TBC1D4: variants seen among roughly 807,000 people sequenced by gnomAD.
TBC1D4 encodes the protein TBC1 domain family member 4, also known as TBC (Tre-2, BUB2, CDC16) domain-containing protein.
Under a neutral mutation model 142.5 loss-of-function variants are expected in TBC1D4, and 121 were observed. The ratio of observed to expected loss-of-function variants is 0.85; its 90% confidence interval spans 0.73 to 0.99. The LOEUF (loss-of-function observed/expected upper bound fraction) is 0.99. Among genes scored for constraint, TBC1D4 ranks in the 50% least tolerant of loss-of-function variants. The pLI, the probability that TBC1D4 is intolerant of heterozygous loss-of-function variation, is 0.00. For synonymous variants in TBC1D4, 630 were observed against 628.2 expected (o/e 1.00, Z -0.04); for missense variants, 1,475 against 1,606.6 (o/e 0.92, Z 1.40).
chr13:75,352,000 C>T (rs968681226), intron 4 of TBC1D4, among the ~76,000 whole-genome samples: 1 of 152,200 alleles, frequency 6.6e-6, no homozygotes, highest in Non-Finnish European at 1.5e-5. Context: ...TCTCACATGA[C>T]AGCTCATATG....
chr13:75,336,466 G>A (rs1880214707), intron 8 of TBC1D4, among the ~76,000 whole-genome samples: 1 of 152,050 alleles, frequency 6.6e-6, no homozygotes, highest in Admixed American at 6.5e-5. Flanking sequence ...CCAGCACTTT[G>A]GGAGGCCAAG....
At chr13:75,388,110 C>A (rs1340081323) in intron 1 of TBC1D4, among the ~76,000 whole-genome samples, 1 of 152,196 alleles carries the variant, frequency 6.6e-6, no homozygotes, top group Non-Finnish European at 1.5e-5. Context: ...CGGGTTGAGT[C>A]CTCCTCACAT....
At chr13:75,288,172 T>C (rs1472847708) in intron 20 of TBC1D4, among the ~76,000 whole-genome samples, 1 of 152,214 alleles carries the variant, frequency 6.6e-6, no homozygotes, top group South Asian at 2.1e-4. Context: ...TAATATTACA[T>C]GTAACATTTG....
chr13:75,403,905 A>G (rs1354824219), intron 1 of TBC1D4, among the ~76,000 whole-genome samples: 1 of 152,216 alleles, frequency 6.6e-6, no homozygotes, highest in African/African-American at 2.4e-5. Context: ...ACTTCATTAA[A>G]GAAATACAGA....
chr13:75,461,494 G>A (rs1192894881), intron 1 of TBC1D4, among the ~76,000 whole-genome samples: 1 of 152,232 alleles, frequency 6.6e-6, no homozygotes, highest in Non-Finnish European at 1.5e-5. Context: ...CTTTCTAGCT[G>A]TACCAAAATT....
intron 3 of TBC1D4, among the ~76,000 whole-genome samples, chr13:75,357,510 A>G (rs1269614707): frequency 6.6e-6 from 1 of 152,078 alleles, no homozygotes; most frequent in Non-Finnish European, 1.5e-5. Context: ...ACTGGCCTCA[A>G]TTTGGTACAA....
At chr13:75,331,845 G>GAA (rs4052616) in intron 8 of TBC1D4, among the ~76,000 whole-genome samples, 51,888 of 140,240 alleles carry the variant, frequency 0.37, 10,956 homozygotes, top group East Asian at 0.63. Flanking sequence ...AACTCAGCAG[G>GAA]AAAAAAAAAA....
intron 1 of TBC1D4, among the ~76,000 whole-genome samples, chr13:75,466,920 G>C (rs1299950944): frequency 1.3e-5 from 2 of 151,592 alleles, no homozygotes; most frequent in Non-Finnish European, 2.9e-5. Context: ...TCTGAAAAAT[G>C]TAAGCAGCCA....
Position 75,286,944 on chromosome 13 carries a change from G to A in TBC1D4, c.3745C>T (p.Arg1249Trp), listed in dbSNP as rs201344804. The change falls in exon 21 of 21, where the codon CGG becomes TGG. Residue 1249 changes from arginine to tryptophan, a missense_variant. Coordinates refer to ENST00000377636, the MANE Select transcript of TBC1D4 (RefSeq NM_014832.5). ...GCCATTTTTTCTTGTTCCAGGGTCC[G>A]GATTAAAGACTTCATTTTGGTCTCT... ...TRETKMKSLIRTLEQEKMAYQ... is the reference protein window; with the variant it reads ...TRETKMKSLIWTLEQEKMAYQ... 237 of 1,613,850 alleles carry A rather than the reference G, an allele frequency of 1.5e-4. 1 individual carries two copies. The East Asian group carries it at 2.7e-3, about 18-fold the overall frequency.
At chr13:75,385,073 G>C (rs936504417) in intron 1 of TBC1D4, among the ~76,000 whole-genome samples, 6 of 152,128 alleles carry the variant, frequency 3.9e-5, no homozygotes, top group Non-Finnish European at 8.8e-5. Flanking sequence ...ACTGCTCACT[G>C]CTCAGCAGCC....
chr13:75,460,794 A>G (rs1437019961), intron 1 of TBC1D4, among the ~76,000 whole-genome samples: 2 of 152,128 alleles, frequency 1.3e-5, no homozygotes, highest in Non-Finnish European at 2.9e-5. Flanking sequence ...ATGGTGGCAC[A>G]TGTCCATAGT....
chr13:75,375,949 T>C (rs1382448765), intron 1 of TBC1D4: 1 of 152,156 alleles, frequency 6.6e-6, no homozygotes, highest in African/African-American at 2.4e-5. Flanking sequence ...AAAATTCCGT[T>C]ACTAGAGAAG....
chr13:75,294,966 A>T lies in TBC1D4; in HGVS notation c.3204T>A (p.Asp1068Glu), dbSNP rs1315633104. 1 of 1,613,988 alleles carries T rather than the reference A, an allele frequency of 6.2e-7. No homozygotes were observed. Residue 1068 changes from aspartate to glutamate, a missense_variant, in exon 18 of 21, where the codon GAT becomes GAA. Coordinates refer to ENST00000377636, the MANE Select transcript of TBC1D4 (RefSeq NM_014832.5). ...CATTTTCTTCAAGGTGATTGTAGAG[A>T]TCTCTGTGATAGTCATGAAGGAGCC... ...LSRLLHDYHR[D>E]LYNHLEENEI...
intron 1 of TBC1D4, 66 bp downstream of exon 1, chr13:75,481,204 C>CCA: frequency 4.3e-6 from 6 of 1,408,450 alleles, no homozygotes; most frequent in Non-Finnish European, 4.8e-6. Context: ...GTCCCCGCCC[C>CCA]TCCCGCCCTG....
chr13:75,337,727 C>T (rs1049034056), intron 7 of TBC1D4, among the ~76,000 whole-genome samples: 2 of 152,088 alleles, frequency 1.3e-5, no homozygotes, highest in Non-Finnish European at 2.9e-5. Context: ...AATACCAAAG[C>T]AGGAAGATTG....
chr13:75,470,034 A>G (rs1206885843), intron 1 of TBC1D4, among the ~76,000 whole-genome samples: 1 of 152,198 alleles, frequency 6.6e-6, no homozygotes, highest in Non-Finnish European at 1.5e-5. Context: ...TGGGGTTTGG[A>G]ATCCCAGATC....
chr13:75,417,842 T>C (rs1486531855), intron 1 of TBC1D4, among the ~76,000 whole-genome samples: 2 of 152,204 alleles, frequency 1.3e-5, no homozygotes, highest in East Asian at 3.8e-4. Flanking sequence ...ACAGATAAGC[T>C]TGGAAATCTG....
chr13:75,321,835 A>C (rs950753051), intron 11 of TBC1D4, among the ~76,000 whole-genome samples: 28 of 152,224 alleles, frequency 1.8e-4, no homozygotes, highest in Middle Eastern at 3.2e-3. Flanking sequence ...AGATATATTA[A>C]ATGGAATACT....
intron 1 of TBC1D4, among the ~76,000 whole-genome samples, chr13:75,373,931 A>C (rs1301456750): frequency 6.6e-6 from 1 of 152,222 alleles, no homozygotes; most frequent in Non-Finnish European, 1.5e-5. Flanking sequence ...TGACCCAAAC[A>C]ACAAAACTTT....
Sources: allele counts gnomAD v4.1 joint callset (sites outside exome capture counted in the v4.1 genomes callset), GRCh38; gene constraint gnomAD v4.1.1; transcripts MANE v1.5; gene names NCBI Gene and HGNC (gene_info 2026-07-23, HGNC 2026-07-21).